The following RASGRP3 variants were observed in gnomAD, a reference collection of about 807,000 sequenced individuals.
RASGRP3 encodes the protein RAS guanyl releasing protein 3, also known as ras guanyl-releasing protein 3.
RASGRP3 carries 54 observed loss-of-function variants against 82.7 expected under a neutral mutation model. The ratio of observed to expected loss-of-function variants is 0.65; its 90% CI spans 0.52 to 0.82. The LOEUF (loss-of-function observed/expected upper bound fraction) is 0.82. RASGRP3 is among the 40% of genes least tolerant of loss of function. The pLI, the probability that RASGRP3 is intolerant of heterozygous loss-of-function variation, is 0.00. For missense variants in RASGRP3, 861 were observed against 828.9 expected (o/e 1.04, Z -0.48); for synonymous variants, 309 against 300.5 (o/e 1.03, Z -0.29).
chr2:33,544,453 A>G (rs1674553741), intron 13 of RASGRP3, among the ~76,000 whole-genome samples: 1 of 152,204 alleles, frequency 6.6e-6, no homozygotes, highest in Non-Finnish European at 1.5e-5. Flanking sequence ...TTTAGCGTCA[A>G]ATGATTCCTA....
intron 10 of RASGRP3, chr2:33,531,891 A>G (rs1041063020): frequency 1.3e-5 from 2 of 152,254 alleles, no homozygotes; most frequent in African/African-American, 2.4e-5. Context: ...GCCAGTCATC[A>G]CAGGACTTGG....
At chr2:33,475,650 C>T (rs546810810), upstream of RASGRP3, among the ~76,000 whole-genome samples, 2 of 152,250 alleles carry the variant, frequency 1.3e-5, no homozygotes, top group Non-Finnish European at 2.9e-5. Flanking sequence ...AGTCAGACAT[C>T]CAAGGTCAGA....
chr2:33,474,309 G>T (rs890182299), upstream of RASGRP3, among the ~76,000 whole-genome samples: 79 of 152,114 alleles, frequency 5.2e-4, 2 homozygotes, highest in Non-Finnish European at 7.4e-5. Context: ...TGTTAGTGCT[G>T]TTCTCATGAT....
At chr2:33,527,084 G>T in intron 9 of RASGRP3, 53 bp from the exon 10 acceptor site, 1 of 1,586,926 alleles carries the variant, frequency 6.3e-7, no homozygotes, top group Admixed American at 1.7e-5. Context: ...AGGGCCCGGG[G>T]GTGTGCAGGA....
upstream of RASGRP3, among the ~76,000 whole-genome samples, chr2:33,472,653 G>T (rs748058553): frequency 6.6e-6 from 1 of 152,068 alleles, no homozygotes; most frequent in African/African-American, 2.4e-5. Flanking sequence ...TGGTTGGTCA[G>T]TTGGGACAAA....
chr2:33,475,037 G>T (rs1667275240), upstream of RASGRP3, among the ~76,000 whole-genome samples: 1 of 152,180 alleles, frequency 6.6e-6, no homozygotes, highest in Non-Finnish European at 1.5e-5. Flanking sequence ...ATACAAGGGG[G>T]TAAGTAAATC....
At chr2:33,449,976 G>C (rs1423762676) in intron 2 of RASGRP3, among the ~76,000 whole-genome samples, 1 of 152,146 alleles carries the variant, frequency 6.6e-6, no homozygotes. Context: ...AGAAATTCAG[G>C]AGAAGGTCAG....
At chr2:33,539,312 A>ACC in intron 12 of RASGRP3, 102 bp downstream of exon 12, 1 of 936,772 alleles carries the variant, frequency 1.1e-6, no homozygotes, top group Non-Finnish European at 1.6e-6. Flanking sequence ...CCTGAAAACA[A>ACC]CCCTCTGGCA....
chr2:33,457,830 A>T lies in RASGRP3; in HGVS notation c.-261+9887A>T, dbSNP rs147659468. ...ACCACACTACCTCTCCTACTACTTC[A>T]GAAAATGGTTAAAAAAAGTTTTAAA... On this transcript the variant is annotated intron_variant, in intron 2 of 18. Transcript: ENST00000402538. Among the ~76,000 whole-genome samples the T allele has an allele frequency of 1.5e-3, 224 of 152,304 alleles. 2 individuals are homozygous for T. The highest frequency in any genetic ancestry group is 5.1e-3 in the African/African-American group (213 of 41,558).
intron 11 of RASGRP3, among the ~76,000 whole-genome samples, chr2:33,537,305 T>TAC (rs71409627): frequency 0.013 from 762 of 59,496 alleles, 33 homozygotes; most frequent in Middle Eastern, 0.02. Flanking sequence ...GTCTCTAAAA[T>TAC]ACACACACAC....
chr2:33,512,998 A>T (rs953459490), intron 2 of RASGRP3, among the ~76,000 whole-genome samples: 2 of 152,226 alleles, frequency 1.3e-5, no homozygotes, highest in African/African-American at 4.8e-5. Flanking sequence ...GAGGTGGGTG[A>T]GAGCTGAGAG....
chr2:33,509,560 C>G (rs77289486), intron 1 of RASGRP3, among the ~76,000 whole-genome samples: 2,905 of 152,298 alleles, frequency 0.019, 92 homozygotes, highest in African/African-American at 0.067. Context: ...ACACTTTAGT[C>G]ATTGTAAATG....
At chr2:33,445,327 A>G (rs1665443866) in intron 1 of RASGRP3, among the ~76,000 whole-genome samples, 1 of 152,238 alleles carries the variant, frequency 6.6e-6, no homozygotes, top group Non-Finnish European at 1.5e-5. Context: ...GCCAACTGGA[A>G]TGATCACATT....
At chr2:33,453,570 C>T (rs147690192) in intron 2 of RASGRP3, among the ~76,000 whole-genome samples, 1 of 152,254 alleles carries the variant, frequency 6.6e-6, no homozygotes, top group Non-Finnish European at 1.5e-5. Flanking sequence ...TGGCTTCTTT[C>T]AGAGTGAGAG....
intron 12 of RASGRP3, chr2:33,539,996 A>AAAAAGAAAAG (rs533865626): frequency 7.3e-6 from 1 of 136,882 alleles, no homozygotes; most frequent in Non-Finnish European, 1.5e-5. Flanking sequence ...TGAAAAAAAA[A>AAAAAGAAAAG]AAAAGAAAAG....
At chr2:33,484,934 C>G (rs1431784238) in intron 1 of RASGRP3, among the ~76,000 whole-genome samples, 1 of 152,192 alleles carries the variant, frequency 6.6e-6, no homozygotes, top group Non-Finnish European at 1.5e-5. Context: ...TGCAGTGGCT[C>G]ACACCTGTAA....
At chr2:33,488,511 T>A (rs1256411978) in intron 1 of RASGRP3, among the ~76,000 whole-genome samples, 1 of 152,136 alleles carries the variant, frequency 6.6e-6, no homozygotes, top group African/African-American at 2.4e-5. Flanking sequence ...GGAGGTAAAA[T>A]GCTCTCACAA....
chr2:33,561,533 G>A (rs564923923), intron 17 of RASGRP3, among the ~76,000 whole-genome samples: 1 of 152,002 alleles, frequency 6.6e-6, no homozygotes, highest in African/African-American at 2.4e-5. Context: ...CTCTGTTTAG[G>A]GAATAAGGAA....
chr2:33,498,120 G>A (rs1418630960), intron 1 of RASGRP3, among the ~76,000 whole-genome samples: 1 of 152,046 alleles, frequency 6.6e-6, no homozygotes, highest in African/African-American at 2.4e-5. Context: ...AGGAATCATT[G>A]CATCCCTCAG....
Sources: allele counts gnomAD v4.1 joint callset (sites outside exome capture counted in the v4.1 genomes callset), GRCh38; gene constraint gnomAD v4.1.1; transcripts MANE v1.5; gene names NCBI Gene and HGNC (gene_info 2026-07-23, HGNC 2026-07-21).